The following MAPKAPK5 variants were observed in gnomAD, a reference collection of about 807,000 sequenced individuals.
The protein encoded by MAPKAPK5 is MAP kinase-activated protein kinase 5.
A neutral mutation model predicts 65.1 loss-of-function variants in MAPKAPK5; 30 were observed. That is an observed-to-expected ratio of 0.46 (90% CI 0.34 to 0.63). The LOEUF (loss-of-function observed/expected upper bound fraction) is 0.63, where lower values mean the gene tolerates loss of function less well. MAPKAPK5 is among the 20% of genes least tolerant of loss of function. The probability of loss-of-function intolerance (pLI) is 0.01; values close to 1 mark genes in which losing one functional copy is unlikely to be tolerated. For missense variants in MAPKAPK5, 433 were observed against 581.4 expected (o/e 0.74, Z 2.63); for synonymous variants, 179 against 204.6 (o/e 0.87, Z 1.07).
chr12:111,862,352 G>T (rs1272433554), intron 1 of MAPKAPK5, among the ~76,000 whole-genome samples: 2 of 152,158 alleles, frequency 1.3e-5, no homozygotes, highest in Non-Finnish European at 2.9e-5. Context: ...TCCAATCAGA[G>T]TCTCTACAAG....
intron 13 of MAPKAPK5, among the ~76,000 whole-genome samples, chr12:111,892,544 G>A (rs1170292132): frequency 2.0e-5 from 3 of 152,084 alleles, no homozygotes; most frequent in African/African-American, 7.2e-5. Context: ...CCCTTAAAAC[G>A]TACTGATATA....
intron 9 of MAPKAPK5, among the ~76,000 whole-genome samples, chr12:111,884,778 A>C (rs1283335984): frequency 2.0e-5 from 3 of 152,170 alleles, no homozygotes; most frequent in African/African-American, 7.2e-5. Flanking sequence ...AATGGGATGA[A>C]GGTACATGTT....
rs1329920261 is a variant in MAPKAPK5, at chr12:111,901,260, G to GA, written c.*8205dup. ...CCCAGTGATTTCTGCCTGCAACCCA[G>GA]AAAAAACGTGTAATGGGAAGGGAGT... On this transcript the variant is annotated 3_prime_UTR_variant, in exon 14 of 14. Transcript: ENST00000550735. The GA allele has an allele frequency of 1.5e-5, 7 of 455,948 alleles. No homozygotes were observed. Among genetic ancestry groups the GA allele is most frequent in the Non-Finnish European group, 3.1e-5 (7 of 226,782 alleles). 28.2% of individuals were successfully genotyped at this position (455,948 alleles called of 1,614,324 possible). A position where few individuals can be genotyped will look rare whatever the true frequency, so the allele number is the denominator to read the frequency against.
At chr12:111,889,347 G>A in intron 12 of MAPKAPK5, 1 of 233,070 alleles carries the variant, frequency 4.3e-6, no homozygotes, top group Non-Finnish European at 8.5e-6. Flanking sequence ...TGTGGGTAGG[G>A]TCTGAATCTC....
chr12:111,866,235 T>A lies in MAPKAPK5; in HGVS notation c.186+4T>A. 6.2e-7 allele frequency: 1 copy of A among 1,607,656 alleles called. No individual in the cohort carries two copies. Among genetic ancestry groups the A allele is most frequent in the Middle Eastern group, 1.7e-4 (1 of 6,052 alleles). The stretch of plus-strand genomic sequence containing the variant: ...TCGTCCAAAAGCTAGAAATGAGGTA[T>A]GCTTTATTGCCTCGACTTAATTAAA... On this transcript the variant is annotated splice_donor_region_variant and intron_variant, in intron 3 of 13. Transcript: ENST00000550735.
rs201088313 is a variant in MAPKAPK5 at position 111,867,555 on chromosome 12, C to T, written c.187-17C>T. 7 of 1,589,284 alleles carry T rather than the reference C, an allele frequency of 4.4e-6. No homozygotes were observed. In the Admixed American group the frequency reaches 8.3e-5, roughly 19 times the overall value. ...GTATCCCCTACCTATTGATACATTT[C>T]CTCTGTTCTCTTTAAGGTACGTCTG... On this transcript the variant is annotated splice_polypyrimidine_tract_variant and intron_variant, in intron 3 of 13. Transcript: ENST00000550735.
chr12:111,859,928 C>T (rs1012963427), intron 1 of MAPKAPK5, among the ~76,000 whole-genome samples: 10 of 152,234 alleles, frequency 6.6e-5, no homozygotes, highest in East Asian at 1.9e-4. Context: ...GGATTACAGG[C>T]GTGAGCCACC....
chr12:111,882,922 A>C (rs1429013210), intron 8 of MAPKAPK5: 10 of 883,126 alleles, frequency 1.1e-5, no homozygotes, highest in South Asian at 5.2e-5. Flanking sequence ...GTTTATATTT[A>C]TTTCTTTTCT....
chr12:111,881,402 C>CTTTTTTTTTTTTTTTTTTT lies in MAPKAPK5; in HGVS notation c.660+875_660+876insTTTTTTTTTTTTTTTTTTT, dbSNP rs1274226182. On this transcript the variant is annotated intron_variant, in intron 8 of 13. Coordinates refer to ENST00000550735, the MANE Select transcript of MAPKAPK5 (RefSeq NM_003668.4). The stretch of plus-strand genomic sequence containing the variant: ...AGCCCACATATTGATCCTGTCTGTT[C>CTTTTTTTTTTTTTTTTTTT]CTTTTTTTTTTTTTTTTTTTGAGAC... Among the ~76,000 whole-genome samples, 227 of 116,668 alleles carry CTTTTTTTTTTTTTTTTTTT rather than the reference C, an allele frequency of 1.9e-3. 31 individuals carry two copies. Among genetic ancestry groups the CTTTTTTTTTTTTTTTTTTT allele is most frequent in the African/African-American group, 4.0e-3 (119 of 30,112 alleles). The allele number at this position is 116,668 out of a possible 152,430, so 76.5% of individuals were successfully genotyped here.
intron 1 of MAPKAPK5, among the ~76,000 whole-genome samples, chr12:111,857,844 C>T (rs1323311221): frequency 6.6e-6 from 1 of 151,422 alleles, no homozygotes; most frequent in East Asian, 1.9e-4. Context: ...TCATTTTTTC[C>T]CTTCGTACTT....
chr12:111,842,657 C>T lies in MAPKAPK5; in HGVS notation c.-77C>T, dbSNP rs1013127385. 5 of 1,171,146 alleles carry T rather than the reference C, an allele frequency of 4.3e-6. No individual in the cohort carries two copies. Among genetic ancestry groups the T allele is most frequent in the Non-Finnish European group, 5.5e-6 (5 of 905,770 alleles). The allele number at this position is 1,171,146 out of a possible 1,614,324, so 72.5% of individuals were successfully genotyped here. A position where few individuals can be genotyped will look rare whatever the true frequency, so the allele number is the denominator to read the frequency against. On this transcript the variant is annotated 5_prime_UTR_variant, in exon 1 of 14. Transcript: ENST00000550735. ...GGCCCAGGGGCCCGAGTGCCGAGCCCTTTGCTCCCTCGGCCGCGCGGGGAC... is the reference window on the plus strand; with the variant it reads ...GGCCCAGGGGCCCGAGTGCCGAGCCTTTTGCTCCCTCGGCCGCGCGGGGAC...
intron 1 of MAPKAPK5, among the ~76,000 whole-genome samples, chr12:111,861,059 T>G (rs1322167732): frequency 6.6e-6 from 1 of 151,390 alleles, no homozygotes; most frequent in Admixed American, 6.6e-5. Context: ...CTCAGGAGGC[T>G]GAGGCAGGAA....
At position 111,893,339 on chromosome 12, in the gene MAPKAPK5, A is replaced by G. The variant is rs138332798; in HGVS notation, c.*278A>G. The G allele has an allele frequency of 2.6e-4, 46 of 174,442 alleles. No individual in the cohort carries two copies. Among genetic ancestry groups the G allele is most frequent in the African/African-American group, 8.1e-4 (34 of 42,126 alleles). The allele number at this position is 174,442 out of a possible 1,614,324, so 10.8% of individuals were successfully genotyped here. A position where few individuals can be genotyped will look rare whatever the true frequency, so the allele number is the denominator to read the frequency against. On this transcript the variant is annotated 3_prime_UTR_variant, in exon 14 of 14. Transcript: ENST00000550735. ...AATATTGTTTTATTTGTAATAAAAT[A>G]TACAAAAATCACTTGCCAGCAGTAG... is the stretch of plus-strand genomic sequence containing the variant.
chr12:111,895,980 C>A lies in MAPKAPK5; in HGVS notation c.*2919C>A, dbSNP rs1185228148. ...TGCAAATCTTACAGATCACTTCTTA[C>A]AGTTAGGAATACTGCACTTGTTTGT... On this transcript the variant is annotated 3_prime_UTR_variant, in exon 14 of 14. Coordinates refer to ENST00000550735, the MANE Select transcript of MAPKAPK5 (RefSeq NM_003668.4). The A allele has an allele frequency of 2.6e-5, 4 of 152,218 alleles. No homozygotes were observed. In the South Asian group the frequency reaches 8.3e-4, roughly 32 times the overall value. The allele number at this position is 152,218 out of a possible 1,614,324, so 9.4% of individuals were successfully genotyped here. A position where few individuals can be genotyped will look rare whatever the true frequency, so the allele number is the denominator to read the frequency against.
At chr12:111,880,882 T>C (rs1440866764) in intron 8 of MAPKAPK5, among the ~76,000 whole-genome samples, 1 of 152,184 alleles carries the variant, frequency 6.6e-6, no homozygotes, top group Non-Finnish European at 1.5e-5. Flanking sequence ...ACTGAAAACA[T>C]ATGGTTGGCT....
chr12:111,877,790 C>T (rs942699784), intron 7 of MAPKAPK5, among the ~76,000 whole-genome samples: 2 of 152,178 alleles, frequency 1.3e-5, no homozygotes, highest in Non-Finnish European at 2.9e-5. Flanking sequence ...AAGCGATCCT[C>T]CCACCTCAGC....
intron 12 of MAPKAPK5, chr12:111,889,431 T>C (rs2070525939): frequency 5.8e-6 from 1 of 173,000 alleles, no homozygotes; most frequent in African/African-American, 2.4e-5. Context: ...AGAGAATACC[T>C]CCTTAGTTCA....
At chr12:111,843,888 C>G (rs561249745) in intron 1 of MAPKAPK5, among the ~76,000 whole-genome samples, 4 of 152,230 alleles carry the variant, frequency 2.6e-5, no homozygotes, top group African/African-American at 9.6e-5. Flanking sequence ...TCTTGGCTCA[C>G]TGCAAGTTCC....
rs963506505 is a variant in MAPKAPK5 at position 111,895,160 on chromosome 12, G to A, written c.*2099G>A. On this transcript the variant is annotated 3_prime_UTR_variant, in exon 14 of 14. Coordinates refer to ENST00000550735, the MANE Select transcript of MAPKAPK5 (RefSeq NM_003668.4). ...CGCCCAGGCTGGAGTGCAGTGGCGC[G>A]ATCTTGGCTCACTGCAAGCTCTGCC... 2 of 141,728 alleles carry A rather than the reference G, an allele frequency of 1.4e-5. No homozygotes were observed. The highest frequency in any genetic ancestry group is 2.7e-5 in the African/African-American group (1 of 36,696). 8.8% of individuals were successfully genotyped at this position (141,728 alleles called of 1,614,324 possible). A position where few individuals can be genotyped will look rare whatever the true frequency, so the allele number is the denominator to read the frequency against.
Sources: gnomAD v4.1 joint callset for allele counts (sites outside exome capture counted in the v4.1 genomes callset) on GRCh38, gnomAD v4.1.1 for gene constraint, MANE v1.5 for transcripts, NCBI Gene and HGNC (gene_info 2026-07-23, HGNC 2026-07-21) for gene names.